The following ECH1 variants were observed in gnomAD, a reference collection of about 807,000 sequenced individuals.
ECH1 encodes delta(3,5)-Delta(2,4)-dienoyl-CoA isomerase, mitochondrial.
In ECH1, 30 loss-of-function variants were observed where a neutral mutation model predicts 37.0. The ratio of observed to expected loss-of-function variants is 0.81; its 90% CI spans 0.61 to 1.10. The LOEUF (loss-of-function observed/expected upper bound fraction) is 1.10. Ranked by LOEUF, ECH1 falls within the 50% of genes least tolerant of loss-of-function variation. The probability of loss-of-function intolerance (pLI) is 0.00; values close to 1 mark genes in which losing one functional copy is unlikely to be tolerated. For missense variants in ECH1, 456 were observed against 441.6 expected (o/e 1.03, Z -0.29); for synonymous variants, 178 against 176.0 (o/e 1.01, Z -0.09).
At chr19:38,830,281 C>G (rs975490709) in intron 3 of ECH1, among the ~76,000 whole-genome samples, 1 of 152,080 alleles carries the variant, frequency 6.6e-6, no homozygotes, top group African/African-American at 2.4e-5. Context: ...ATCCAACTGA[C>G]CTGTAACTGG....
At chr19:38,821,445 T>C (rs4801905) in intron 3 of ECH1, among the ~76,000 whole-genome samples, 13,814 of 152,258 alleles carry the variant, frequency 0.091, 846 homozygotes, top group South Asian at 0.2. Flanking sequence ...AGCCCCTCTC[T>C]GGGCTGGCCA....
chr19:38,817,382 G>C lies in ECH1; in HGVS notation c.475-18C>G. 1 of 1,602,934 alleles carries C rather than the reference G, an allele frequency of 6.2e-7. No homozygotes were observed. The highest frequency in any genetic ancestry group is 8.5e-7 in the Non-Finnish European group (1 of 1,174,896). On this transcript the variant is annotated intron_variant, in intron 4 of 9. Coordinates refer to ENST00000221418, the MANE Select transcript of ECH1 (RefSeq NM_001398.3). ...TTGGGGCACTGAGAGGGAACAGGAA[G>C]AGTGGGGTCAGGGCTGGCCCAGGGG... is the stretch of plus-strand genomic sequence containing the variant.
chr19:38,830,650 C>CAAAA (rs55649550), intron 3 of ECH1, among the ~76,000 whole-genome samples: 2 of 75,386 alleles, frequency 2.7e-5, no homozygotes, highest in Middle Eastern at 8.8e-3. Flanking sequence ...ATATTGTCTC[C>CAAAA]AAAAAAAAAA....
At chr19:38,821,586 C>T (rs940117832) in intron 3 of ECH1, among the ~76,000 whole-genome samples, 2 of 152,302 alleles carry the variant, frequency 1.3e-5, no homozygotes, top group South Asian at 2.1e-4. Context: ...ACCCCGCACT[C>T]GGAGTGGTGG....
chr19:38,824,281 T>G (rs1971706951), intron 3 of ECH1, among the ~76,000 whole-genome samples: 1 of 152,198 alleles, frequency 6.6e-6, no homozygotes, highest in African/African-American at 2.4e-5. Flanking sequence ...AATCCGACCT[T>G]CCTTGGTCCT....
At chr19:38,828,574 G>C (rs1022869303) in intron 3 of ECH1, among the ~76,000 whole-genome samples, 1 of 151,694 alleles carries the variant, frequency 6.6e-6, no homozygotes, top group Admixed American at 6.6e-5. Context: ...CTGACCCCAA[G>C]ATGACCCAGA....
At chr19:38,816,548 T>C in intron 6 of ECH1, 25 bp from the exon 7 acceptor site, 1 of 1,613,642 alleles carries the variant, frequency 6.2e-7, no homozygotes, top group Non-Finnish European at 8.5e-7. Context: ...GGGTCAGTGT[T>C]TGGTTTCTGC....
chr19:38,823,682 GACA>G (rs891661864), intron 3 of ECH1, among the ~76,000 whole-genome samples: 3 of 152,168 alleles, frequency 2.0e-5, no homozygotes, highest in African/African-American at 4.8e-5. Context: ...GTCCCGACAA[GACA>G]ACAAGTTCGT....
chr19:38,823,316 C>T (rs2145379266), intron 3 of ECH1: 1 of 163,416 alleles, frequency 6.1e-6, no homozygotes, highest in South Asian at 1.7e-4. Context: ...TTTTGGTGAC[C>T]CAGATGGGAC....
At chr19:38,831,046 G>GGCT in intron 3 of ECH1, 32 bp downstream of exon 3, 1 of 1,594,126 alleles carries the variant, frequency 6.3e-7, no homozygotes, top group South Asian at 1.1e-5. Flanking sequence ...GAGCTAGGAA[G>GGCT]GCTGGCAGGG....
intron 8 of ECH1, 95 bp from the exon 9 acceptor site, chr19:38,816,102 C>A: frequency 6.4e-7 from 1 of 1,552,376 alleles, no homozygotes. Context: ...AGAGGAAGGC[C>A]CAAGACCCCA....
At chr19:38,828,703 C>A (rs910736461) in intron 3 of ECH1, among the ~76,000 whole-genome samples, 1 of 152,084 alleles carries the variant, frequency 6.6e-6, no homozygotes, top group African/African-American at 2.4e-5. Flanking sequence ...GCAACCTCTG[C>A]CTCCCAGGTT....
chr19:38,817,532 T>C lies in ECH1; in HGVS notation c.393A>G (p.Lys131=). The part of the protein sequence containing the change: ...MDMASDILQP[K]GDDVARISWY... The stretch of plus-strand genomic sequence containing the variant: ...AGCTGATCCGGGCCACATCATCTCC[T>C]TTGGGCTGCAGGATGTCCGAAGCCA... The change falls in exon 4 of 10, where the codon AAA becomes AAG. Residue 131 remains lysine, a synonymous_variant. Coordinates refer to ENST00000221418, the MANE Select transcript of ECH1 (RefSeq NM_001398.3). 1 of 1,612,502 alleles carries C rather than the reference T, an allele frequency of 6.2e-7. No individual in the cohort carries two copies. The highest frequency in any genetic ancestry group is 8.5e-7 in the Non-Finnish European group (1 of 1,178,714).
chr19:38,818,912 T>TGTGC (rs1971617832), intron 3 of ECH1, among the ~76,000 whole-genome samples: 1 of 131,834 alleles, frequency 7.6e-6, no homozygotes, highest in Non-Finnish European at 1.6e-5. Context: ...TGTGTGTGTG[T>TGTGC]GTGTGTGTGT....
At chr19:38,820,053 C>CTTTTATTTTT (rs1971639054) in intron 3 of ECH1, 1 of 131,432 alleles carries the variant, frequency 7.6e-6, no homozygotes, top group Non-Finnish European at 1.1e-5. Context: ...GTCCCCCTTA[C>CTTTTATTTTT]TTTTTTTTTT....
rs200269716 is a variant in ECH1 at position 38,817,573 on chromosome 19, T to C, written c.352A>G (p.Ile118Val). 20 of 1,596,112 alleles carry C rather than the reference T, an allele frequency of 1.3e-5. No homozygotes were observed. The highest frequency in any genetic ancestry group is 1.7e-5 in the Admixed American group (1 of 59,636). ...TCCGAAGCCATGTCCATCAGGTCAA[T>C]ACCTGGTGAGAAGGCATGATGGAGC... The part of the protein sequence containing the change: ...SGAGKMFTAG[I>V]DLMDMASDIL... Residue 118 changes from isoleucine to valine, a missense_variant and splice_region_variant, in exon 4 of 10, where the codon ATT (isoleucine) becomes GTT (valine). Ile to Val is a conservative substitution (Grantham distance 29, BLOSUM62 3). Transcript: ENST00000221418.
chr19:38,831,794 C>T lies in ECH1; in HGVS notation c.-22G>A. The T allele has an allele frequency of 6.2e-7, 1 of 1,611,728 alleles. No homozygotes were observed. The highest frequency in any genetic ancestry group is 8.5e-7 in the Non-Finnish European group (1 of 1,179,274). The stretch of plus-strand genomic sequence containing the variant: ...CCATCGCCGCCGCCTTCGTCTACTG[C>T]GTTCGGACGGAGTAACGTGCCCGTT... On this transcript the variant is annotated 5_prime_UTR_variant, in exon 1 of 10. Coordinates refer to ENST00000221418, the MANE Select transcript of ECH1 (RefSeq NM_001398.3).
intron 3 of ECH1, among the ~76,000 whole-genome samples, chr19:38,818,932 T>TGCGCGCGCAC (rs1555721678): frequency 7.0e-6 from 1 of 142,752 alleles, no homozygotes; most frequent in African/African-American, 2.6e-5. Flanking sequence ...TGTGTGTGTG[T>TGCGCGCGCAC]GCACTGTTCC....
intron 3 of ECH1, chr19:38,823,237 C>T (rs1474889977): frequency 1.8e-5 from 3 of 168,394 alleles, no homozygotes; most frequent in Non-Finnish European, 3.7e-5. Context: ...AACTGTAACA[C>T]TCACCACGAG....
Sources: gnomAD v4.1 joint callset for allele counts (sites outside exome capture counted in the v4.1 genomes callset) on GRCh38, gnomAD v4.1.1 for gene constraint, MANE v1.5 for transcripts, NCBI Gene and HGNC (gene_info 2026-07-23, HGNC 2026-07-21) for gene names.